Variants in PEPD observed in about 807,000 individuals in gnomAD.
PEPD encodes the protein xaa-Pro dipeptidase.
PEPD carries 53 observed loss-of-function variants against 60.7 expected under a neutral mutation model. That is an observed-to-expected ratio of 0.87 (90% CI 0.70 to 1.10). The LOEUF is 1.10. PEPD is among the 50% of genes least tolerant of loss of function. PEPD has a pLI of 0.00. For synonymous variants in PEPD, 267 were observed against 284.1 expected (o/e 0.94, Z 0.60); for missense variants, 711 against 711.9 (o/e 1.00, Z 0.01).
intron 12 of PEPD, 23 bp downstream of exon 12, chr19:33,401,697 TC>T (rs1364751056): frequency 3.1e-6 from 5 of 1,596,268 alleles, no homozygotes; most frequent in Admixed American, 1.7e-5. Flanking sequence ...CAGATGCGCC[TC>T]CCCCCACCGA....
chr19:33,429,965 A>G (rs1422587642), intron 9 of PEPD, among the ~76,000 whole-genome samples: 1 of 152,246 alleles, frequency 6.6e-6, no homozygotes, highest in Non-Finnish European at 1.5e-5. Context: ...TGGAAATAAC[A>G]CAATTAATCT....
At chr19:33,500,617 G>T (rs749968496) in intron 4 of PEPD, among the ~76,000 whole-genome samples, 1 of 152,230 alleles carries the variant, frequency 6.6e-6, no homozygotes, top group African/African-American at 2.4e-5. Context: ...TGGTGACTTA[G>T]ACCGTGTGCC....
chr19:33,517,274 T>C (rs1394852151), intron 1 of PEPD, among the ~76,000 whole-genome samples: 2 of 152,100 alleles, frequency 1.3e-5, no homozygotes, highest in Admixed American at 6.6e-5. Context: ...AAAAACATTA[T>C]GCCAGCCAGG....
chr19:33,465,575 T>C (rs1365624079), intron 7 of PEPD, among the ~76,000 whole-genome samples: 1 of 152,112 alleles, frequency 6.6e-6, no homozygotes, highest in Admixed American at 6.5e-5. Context: ...GAGATGCCCT[T>C]GTGACAGCAT....
intron 6 of PEPD, among the ~76,000 whole-genome samples, chr19:33,480,545 G>T (rs140185192): frequency 6.6e-6 from 1 of 152,046 alleles, no homozygotes; most frequent in Non-Finnish European, 1.5e-5. Flanking sequence ...GCCTGTAATC[G>T]CAGCACTTTG....
At chr19:33,448,329 A>G (rs550285685) in intron 9 of PEPD, among the ~76,000 whole-genome samples, 1 of 152,148 alleles carries the variant, frequency 6.6e-6, no homozygotes, top group South Asian at 2.1e-4. Flanking sequence ...CACGGGCAGA[A>G]CCAGACAGGA....
intron 11 of PEPD, among the ~76,000 whole-genome samples, chr19:33,403,147 A>C (rs927959996): frequency 1.3e-5 from 2 of 152,202 alleles, no homozygotes; most frequent in Non-Finnish European, 2.9e-5. Flanking sequence ...GGAGGGGCGC[A>C]GGTGGTGCCC....
intron 4 of PEPD, among the ~76,000 whole-genome samples, chr19:33,498,581 T>C (rs1600164658): frequency 6.6e-6 from 1 of 152,242 alleles, no homozygotes; most frequent in South Asian, 2.1e-4. Flanking sequence ...CAGGTGCCGG[T>C]CCCACCACGG....
At chr19:33,492,837 G>C (rs1196821173) in intron 5 of PEPD, among the ~76,000 whole-genome samples, 1 of 152,176 alleles carries the variant, frequency 6.6e-6, no homozygotes, top group African/African-American at 2.4e-5. Context: ...TTCAGACTGA[G>C]CAGGTATCGC....
Position 33,387,987 on chromosome 19 carries a change from T to G in PEPD, c.1247A>C (p.Tyr416Ser). ...CTCATCCAGGAGGTGGTCGATGAAGTAGATGCCCGGCTCCACGGTGAGCAC... is the reference window on the plus strand; with the variant it reads ...CTCATCCAGGAGGTGGTCGATGAAGGAGATGCCCGGCTCCACGGTGAGCAC... ...GMVLTVEPGI[Y>S]FIDHLLDEAL... Residue 416 changes from tyrosine to serine, a missense_variant, in exon 14 of 15, where the codon TAC becomes TCC. Transcript: ENST00000244137. The G allele has an allele frequency of 6.3e-7, 1 of 1,589,510 alleles. No individual in the cohort carries two copies. Among genetic ancestry groups the G allele is most frequent in the Non-Finnish European group, 8.6e-7 (1 of 1,168,554 alleles).
At chr19:33,411,536 G>T (rs1181602642) in intron 11 of PEPD, 136 bp downstream of exon 11, 6 of 696,948 alleles carry the variant, frequency 8.6e-6, no homozygotes, top group Non-Finnish European at 1.3e-5. Context: ...GAGAAGTCTG[G>T]GCCAAGAAGC....
chr19:33,420,720 A>AATAC (rs1968995792), intron 9 of PEPD, among the ~76,000 whole-genome samples: 2 of 147,902 alleles, frequency 1.4e-5, no homozygotes, highest in African/African-American at 5.0e-5. Context: ...TAAATAAATA[A>AATAC]ATAAATAAAA....
intron 9 of PEPD, among the ~76,000 whole-genome samples, chr19:33,448,513 A>T (rs142311987): frequency 1.9e-3 from 290 of 151,896 alleles, no homozygotes; most frequent in African/African-American, 6.7e-3. Flanking sequence ...GTGGCATGCA[A>T]AACAGAAAAA....
At chr19:33,444,524 G>A (rs1206754951) in intron 9 of PEPD, among the ~76,000 whole-genome samples, 1 of 150,814 alleles carries the variant, frequency 6.6e-6, no homozygotes, top group Non-Finnish European at 1.5e-5. Flanking sequence ...GGGACTCAGG[G>A]CCCCTCCTCC....
intron 9 of PEPD, among the ~76,000 whole-genome samples, chr19:33,456,281 C>T (rs1969798351): frequency 6.6e-6 from 1 of 152,108 alleles, no homozygotes; most frequent in African/African-American, 2.4e-5. Flanking sequence ...TGGACGGGCA[C>T]ACAGGACCTG....
At chr19:33,517,819 T>G (rs1478339953) in intron 1 of PEPD, among the ~76,000 whole-genome samples, 1 of 150,554 alleles carries the variant, frequency 6.6e-6, no homozygotes, top group Non-Finnish European at 1.5e-5. Context: ...ACAAAAAAAT[T>G]AGCCAGGCAT....
At chr19:33,467,550 T>C (rs75327242) in intron 7 of PEPD, among the ~76,000 whole-genome samples, 1 of 152,050 alleles carries the variant, frequency 6.6e-6, no homozygotes, top group East Asian at 1.9e-4. Flanking sequence ...AAAGGCAAGA[T>C]GGGGTGGAAA....
Position 33,411,766 on chromosome 19 carries a change from GA to G in PEPD, c.741-18del. The G allele has an allele frequency of 6.5e-7, 1 of 1,547,012 alleles. No individual in the cohort carries two copies. Among genetic ancestry groups the G allele is most frequent in the Non-Finnish European group, 8.9e-7 (1 of 1,120,932 alleles). ...TTCTCACCACTGCAAAGAGCCGGGGGAGGGTGATCAAAGCCCATTCTTCTGC... is the reference window on the plus strand; with the variant it reads ...TTCTCACCACTGCAAAGAGCCGGGGGGGGTGATCAAAGCCCATTCTTCTGC... On this transcript the variant is annotated intron_variant, in intron 10 of 14. Coordinates refer to ENST00000244137, the MANE Select transcript of PEPD (RefSeq NM_000285.4).
intron 12 of PEPD, among the ~76,000 whole-genome samples, chr19:33,398,455 T>C (rs921566628): frequency 6.6e-6 from 1 of 152,230 alleles, no homozygotes; most frequent in Non-Finnish European, 1.5e-5. Context: ...AGGCCAGCCC[T>C]GTACGTGAAG....
Sources: gnomAD v4.1 joint callset for allele counts (sites outside exome capture counted in the v4.1 genomes callset) on GRCh38, gnomAD v4.1.1 for gene constraint, MANE v1.5 for transcripts, NCBI Gene and HGNC (gene_info 2026-07-23, HGNC 2026-07-21) for gene names.